Variants in AGMO observed in about 807,000 individuals in gnomAD.
AGMO encodes the protein glyceryl-ether monooxygenase.
A neutral mutation model predicts 60.2 loss-of-function variants in AGMO; 75 were observed. The observed-to-expected ratio is 1.25, with a 90% CI of 1.03 to 1.51. The LOEUF (loss-of-function observed/expected upper bound fraction) is 1.51, where lower values mean the gene tolerates loss of function less well. Ranked by LOEUF, AGMO falls within the 40% of genes most tolerant of loss-of-function variation. The pLI, the probability that AGMO is intolerant of heterozygous loss-of-function variation, is 0.00. For missense variants in AGMO, 763 were observed against 525.5 expected (o/e 1.45, Z -4.42); for synonymous variants, 261 against 177.1 (o/e 1.47, Z -3.76).
intron 12 of AGMO, among the ~76,000 whole-genome samples, chr7:15,304,800 TC>T (rs2128527988): frequency 6.6e-6 from 1 of 152,156 alleles, no homozygotes; most frequent in East Asian, 1.9e-4. Context: ...TGATAAGCCT[TC>T]CTCTAAGCCC....
chr7:15,447,588 T>C (rs1781733885), intron 3 of AGMO, among the ~76,000 whole-genome samples: 1 of 152,104 alleles, frequency 6.6e-6, no homozygotes, highest in Admixed American at 6.5e-5. Context: ...TCTAACTCTG[T>C]CACCCAGGCT....
intron 12 of AGMO, among the ~76,000 whole-genome samples, chr7:15,211,016 T>C (rs1390867856): frequency 1.3e-5 from 2 of 151,904 alleles, no homozygotes; most frequent in Non-Finnish European, 2.9e-5. Flanking sequence ...TGCATACACA[T>C]TGCAATTACC....
Position 15,201,288 on chromosome 7 carries a change from T to C in AGMO, c.1335A>G (p.Lys445=). ...SMKQLTSHPW[K] ...GAGAATTATGTACAAATTCAGGTTA[T>C]TTCCAAGGGTGAGAGGTGAGTTGTT... is the stretch of plus-strand genomic sequence containing the variant. Residue 445 remains lysine, a synonymous_variant, in exon 13 of 13, where the codon AAA becomes AAG. Transcript: ENST00000342526. 1 of 1,608,376 alleles carries C rather than the reference T, an allele frequency of 6.2e-7. No homozygotes were observed. The highest frequency in any genetic ancestry group is 1.3e-5 in the African/African-American group (1 of 74,864).
intron 3 of AGMO, among the ~76,000 whole-genome samples, chr7:15,465,338 C>CGT (rs1203694528): frequency 6.7e-6 from 1 of 149,628 alleles, no homozygotes; most frequent in Non-Finnish European, 1.5e-5. Context: ...TGTGTGTGTG[C>CGT]GTGTGTGTAT....
chr7:15,167,135 A>C, the AGMO span, among the ~76,000 whole-genome samples: 7 of 152,318 alleles, frequency 4.6e-5, no homozygotes, highest in East Asian at 1.4e-3. Flanking sequence ...TATAGCAATC[A>C]GTGTTTTATA....
intron 3 of AGMO, among the ~76,000 whole-genome samples, chr7:15,431,463 CG>C (rs1353678139): frequency 1.3e-5 from 2 of 151,562 alleles, no homozygotes; most frequent in Non-Finnish European, 3.0e-5. Flanking sequence ...ATACATTCAA[CG>C]GATAGTGATG....
intron 3 of AGMO, among the ~76,000 whole-genome samples, chr7:15,529,193 T>G (rs937219138): frequency 6.6e-6 from 1 of 152,014 alleles, no homozygotes; most frequent in Non-Finnish European, 1.5e-5. Flanking sequence ...TCATGGTGTT[T>G]TTAAAAGAAA....
intron 12 of AGMO, among the ~76,000 whole-genome samples, chr7:15,309,618 T>G (rs1031211936): frequency 2.0e-5 from 3 of 152,202 alleles, no homozygotes; most frequent in African/African-American, 7.2e-5. Context: ...TTATTAGTTT[T>G]CTATATAATG....
Position 15,322,330 on chromosome 7 carries a change from A to G in AGMO, c.1263+43184T>C, listed in dbSNP as rs148713846. Among the ~76,000 whole-genome samples, 584 of 146,526 alleles carry G rather than the reference A, an allele frequency of 4.0e-3. 2 individuals are homozygous for G. Among genetic ancestry groups the G allele is most frequent in the Non-Finnish European group, 6.1e-3 (411 of 67,068 alleles). On this transcript the variant is annotated intron_variant, in intron 12 of 12. Transcript: ENST00000342526. The stretch of plus-strand genomic sequence containing the variant: ...AACTTTATAGAAAACTGGCAGATAT[A>G]TGCCATACCAGTTGGGAAAACAATT...
At chr7:15,543,884 T>C (rs550597432) in intron 3 of AGMO, among the ~76,000 whole-genome samples, 1 of 151,806 alleles carries the variant, frequency 6.6e-6, no homozygotes, top group Non-Finnish European at 1.5e-5. Flanking sequence ...ATCTCCACAC[T>C]GTTTTCCATA....
At chr7:15,292,751 C>CTTTTTTTTTTT (rs765222435) in intron 12 of AGMO, among the ~76,000 whole-genome samples, 34 of 95,128 alleles carry the variant, frequency 3.6e-4, no homozygotes, top group East Asian at 8.3e-4. Flanking sequence ...TTTTTTTTTC[C>CTTTTTTTTTTT]TTTTTTTTTT....
At chr7:15,124,604 C>T in the AGMO span, among the ~76,000 whole-genome samples, 1 of 152,084 alleles carries the variant, frequency 6.6e-6, no homozygotes, top group African/African-American at 2.4e-5. Flanking sequence ...GTCTTCTGAT[C>T]TTTAGAAGGA....
intron 12 of AGMO, among the ~76,000 whole-genome samples, chr7:15,201,992 A>C (rs536938043): frequency 3.1e-4 from 47 of 152,300 alleles, no homozygotes; most frequent in Middle Eastern, 6.8e-3. Context: ...TTGCACCATC[A>C]GATTTCCCAA....
At chr7:15,135,494 T>G in the AGMO span, among the ~76,000 whole-genome samples, 6 of 152,272 alleles carry the variant, frequency 3.9e-5, no homozygotes, top group East Asian at 1.2e-3. Context: ...GGAAACAGGC[T>G]AGCTTAGAAA....
chr7:15,526,484 A>C (rs986358622), intron 3 of AGMO, among the ~76,000 whole-genome samples: 8 of 152,078 alleles, frequency 5.3e-5, no homozygotes, highest in Admixed American at 6.5e-5. Context: ...TGGCCAAACC[A>C]ATGTATACTT....
intron 3 of AGMO, among the ~76,000 whole-genome samples, chr7:15,536,682 T>C (rs1445198231): frequency 1.3e-5 from 2 of 151,774 alleles, no homozygotes; most frequent in Non-Finnish European, 2.9e-5. Flanking sequence ...TTTGAAAAAA[T>C]TAATACATAA....
chr7:15,255,962 C>T (rs1783085224), intron 12 of AGMO, among the ~76,000 whole-genome samples: 2 of 151,990 alleles, frequency 1.3e-5, no homozygotes, highest in African/African-American at 4.8e-5. Flanking sequence ...GAGAGAAGAA[C>T]AGATATCAGG....
At chr7:15,303,949 G>C (rs1426712082) in intron 12 of AGMO, among the ~76,000 whole-genome samples, 3 of 152,060 alleles carry the variant, frequency 2.0e-5, no homozygotes, top group Non-Finnish European at 4.4e-5. Flanking sequence ...GAAGAGAATA[G>C]GTCTGTGGGT....
intron 3 of AGMO, among the ~76,000 whole-genome samples, chr7:15,538,879 A>C (rs992270093): frequency 6.6e-6 from 1 of 152,182 alleles, no homozygotes; most frequent in Admixed American, 6.5e-5. Context: ...ACTACACAAA[A>C]ATTGTGATCA....
Sources: gnomAD v4.1 joint callset for allele counts (sites outside exome capture counted in the v4.1 genomes callset) on GRCh38, gnomAD v4.1.1 for gene constraint, MANE v1.5 for transcripts, NCBI Gene and HGNC (gene_info 2026-07-23, HGNC 2026-07-21) for gene names.